RRN3: variants seen among roughly 807,000 people sequenced by gnomAD.
RRN3 encodes RNA polymerase I transcription factor RRN3.
A neutral mutation model predicts 82.3 loss-of-function variants in RRN3; 38 were observed. The ratio of observed to expected loss-of-function variants is 0.46; its 90% confidence interval spans 0.36 to 0.61. The LOEUF (loss-of-function observed/expected upper bound fraction) is 0.61. Ranked by LOEUF, RRN3 falls within the 20% of genes least tolerant of loss-of-function variation. The pLI is 0.00. For synonymous variants in RRN3, 284 were observed against 284.3 expected (o/e 1.00, Z 0.01); for missense variants, 726 against 793.1 (o/e 0.92, Z 1.02).
chr16:15,066,024 A>G (rs186924571), intron 15 of RRN3, among the ~76,000 whole-genome samples: 12 of 152,360 alleles, frequency 7.9e-5, no homozygotes, highest in African/African-American at 2.4e-4. Flanking sequence ...AGCAACTTGA[A>G]AAATTATCTA....
rs1796871457 is a variant in RRN3 at position 15,060,675 on chromosome 16, T to G, written c.*1069A>C. The stretch of plus-strand genomic sequence containing the variant: ...CGAGGTCTTCTGAAGACTTCCTCTG[T>G]TTAGTTATAAAAATACAAAAAGAGG... On this transcript the variant is annotated 3_prime_UTR_variant, in exon 18 of 18. Transcript: ENST00000198767. 1 of 152,394 alleles carries G rather than the reference T, an allele frequency of 6.6e-6. No homozygotes were observed. The highest frequency in any genetic ancestry group is 6.5e-5 in the Admixed American group (1 of 15,290). 9.4% of individuals were successfully genotyped at this position (152,394 alleles called of 1,614,324 possible).
intron 9 of RRN3, among the ~76,000 whole-genome samples, chr16:15,078,137 T>C (rs2045544510): frequency 6.6e-6 from 1 of 152,240 alleles, no homozygotes; most frequent in Non-Finnish European, 1.5e-5. Context: ...TCCTTAAGTA[T>C]ATACCAGAGA....
At chr16:15,093,281 G>A (rs1345902982) in intron 1 of RRN3, among the ~76,000 whole-genome samples, 1 of 152,200 alleles carries the variant, frequency 6.6e-6, no homozygotes, top group Non-Finnish European at 1.5e-5. Flanking sequence ...TGGGATTACA[G>A]GCGTGAGCAA....
chr16:15,078,756 C>T (rs1200234295), intron 9 of RRN3, among the ~76,000 whole-genome samples: 1 of 151,736 alleles, frequency 6.6e-6, no homozygotes, highest in African/African-American at 2.4e-5. Flanking sequence ...CCACCAGCAA[C>T]TGAACCTGGC....
intron 9 of RRN3, among the ~76,000 whole-genome samples, chr16:15,078,443 C>T (rs1429429509): frequency 6.6e-6 from 1 of 151,994 alleles, no homozygotes; most frequent in East Asian, 1.9e-4. Context: ...CATCCTCTCC[C>T]GAAATGCAGT....
intron 8 of RRN3, among the ~76,000 whole-genome samples, chr16:15,081,274 A>C (rs2045692546): frequency 6.6e-6 from 1 of 152,200 alleles, no homozygotes; most frequent in Non-Finnish European, 1.5e-5. Flanking sequence ...TCTACATTTA[A>C]CCTTGAAGAA....
intron 15 of RRN3, among the ~76,000 whole-genome samples, chr16:15,067,157 G>A (rs1396257999): frequency 2.6e-5 from 4 of 151,610 alleles, no homozygotes; most frequent in Non-Finnish European, 5.9e-5. Flanking sequence ...TGAACCAGAC[G>A]CCTAGCAAAG....
intron 8 of RRN3, among the ~76,000 whole-genome samples, 154 bp from the exon 9 acceptor site, chr16:15,080,250 T>C (rs934399874): frequency 2.0e-5 from 3 of 152,234 alleles, no homozygotes; most frequent in African/African-American, 7.2e-5. Flanking sequence ...TGTTTCTACA[T>C]GTATTATGTT....
At chr16:15,077,740 C>T (rs894622556) in intron 9 of RRN3, among the ~76,000 whole-genome samples, 1 of 152,224 alleles carries the variant, frequency 6.6e-6, no homozygotes, top group African/African-American at 2.4e-5. Flanking sequence ...AATCAGGAGG[C>T]TGAGGCAGGA....
At chr16:15,076,287 C>G (rs891862340) in intron 10 of RRN3, 4 of 591,006 alleles carry the variant, frequency 6.8e-6, no homozygotes, top group African/African-American at 3.7e-5. Context: ...CCCTCACAGA[C>G]AGCATCTGGC....
chr16:15,065,436 G>T, intron 15 of RRN3, 65 bp from the exon 16 acceptor site: 6 of 1,432,256 alleles, frequency 4.2e-6, no homozygotes, highest in South Asian at 1.3e-5. Flanking sequence ...GTGCAGATGT[G>T]AGCTGCGTGT....
At position 15,094,235 on chromosome 16, in the gene RRN3, G is replaced by C. The variant is rs1038199599; in HGVS notation, c.-2C>G. On this transcript the variant is annotated 5_prime_UTR_variant, in exon 1 of 18. Coordinates refer to ENST00000198767, the MANE Select transcript of RRN3 (RefSeq NM_018427.5). ...CGTGTGAAGCAGCGGTGCCGCCATT[G>C]GGCCGAACTAACGCGACCGCTGCGC... 37 of 1,582,416 alleles carry C rather than the reference G, an allele frequency of 2.3e-5. No individual in the cohort carries two copies. The highest frequency in any genetic ancestry group is 3.1e-5 in the Non-Finnish European group (36 of 1,164,462).
chr16:15,076,640 G>T lies in RRN3; in HGVS notation c.776C>A (p.Ser259Tyr), dbSNP rs753806504. The T allele has an allele frequency of 1.9e-6, 3 of 1,607,092 alleles. No homozygotes were observed. Among genetic ancestry groups the T allele is most frequent in the African/African-American group, 2.7e-5 (2 of 74,716 alleles). Residue 259 changes from serine (S) to tyrosine (Y), a missense_variant, in exon 10 of 18, where the codon TCC becomes TAC. Transcript: ENST00000198767. ...TTCAGCATCTTCAATACCCTGCCGG[G>T]ATGCATTCACCTATAACAAAGGGAG... is the stretch of plus-strand genomic sequence containing the variant. Reference protein sequence around the residue: ...EKLLKLDVNASRQGIEDAEET... With the variant: ...EKLLKLDVNAYRQGIEDAEET...
chr16:15,079,876 C>A (rs1446999289), intron 9 of RRN3, 122 bp downstream of exon 9: 5 of 1,157,814 alleles, frequency 4.3e-6, no homozygotes, highest in Admixed American at 2.9e-5. Context: ...GGAATACAGG[C>A]GTGAGTCACC....
At chr16:15,064,825 A>T (rs1231715000) in intron 16 of RRN3, among the ~76,000 whole-genome samples, 1 of 152,230 alleles carries the variant, frequency 6.6e-6, no homozygotes, top group Non-Finnish European at 1.5e-5. Flanking sequence ...CTTCTGGTGA[A>T]GAGCCCTAAA....
chr16:15,072,959 A>G lies in RRN3; in HGVS notation c.1119T>C (p.Ser373=). Residue 373 remains serine, a synonymous_variant, in exon 12 of 18, where the codon AGT becomes AGC. Coordinates refer to ENST00000198767, the MANE Select transcript of RRN3 (RefSeq NM_018427.5). ...TCACATTCTTACTCACCAATTTGAA[A>G]CTACAGAGGTAAAACATGAAAAACT... ...HVQFFMFYLC[S]FKLGFAEAFL... is the part of the protein sequence containing the mutation. 1 of 1,613,398 alleles carries G rather than the reference A, an allele frequency of 6.2e-7. No homozygotes were observed. The highest frequency in any genetic ancestry group is 8.5e-7 in the Non-Finnish European group (1 of 1,179,858).
At position 15,065,274 on chromosome 16, in the gene RRN3, T is replaced by C. The variant is rs1379776085; in HGVS notation, c.1651A>G (p.Ile551Val). 3 of 1,613,792 alleles carry C rather than the reference T, an allele frequency of 1.9e-6. No homozygotes were observed. The highest frequency in any genetic ancestry group is 2.5e-6 in the Non-Finnish European group (3 of 1,179,820). Residue 551 changes from isoleucine to valine, a missense_variant, in exon 16 of 18, where the codon ATC (isoleucine) becomes GTC (valine). Around this residue, in one of 4 missense-constraint regions of RRN3, gnomAD observed 166 missense variants for 154.8 expected, o/e 1.07. Transcript: ENST00000198767. ...RSTAGGDSVQ[I>V]CTNPLDTFFP... Reference sequence around the variant, plus strand: ...AAGGTGTCCAGCGGGTTTGTGCAGATCTGCACTGAGTCTCCTCCAGCGGTA... The same window carrying C: ...AAGGTGTCCAGCGGGTTTGTGCAGACCTGCACTGAGTCTCCTCCAGCGGTA...
In RRN3 at chr16:15,060,349, T is replaced by G. The variant is rs1009226081; in HGVS notation, c.*1395A>C. 12 of 201,414 alleles carry G rather than the reference T, an allele frequency of 6.0e-5. No individual in the cohort carries two copies. The highest frequency in any genetic ancestry group is 5.4e-4 in the South Asian group (8 of 14,848). 12.5% of individuals were successfully genotyped at this position (201,414 alleles called of 1,614,324 possible). ...AGAAAACCACCCATATCCAAAACTT[T>G]AAAGCAATAAAAATTTCTATTTTCC... On this transcript the variant is annotated 3_prime_UTR_variant, in exon 18 of 18. Transcript: ENST00000198767.
In RRN3 at chr16:15,078,472, A is replaced by G. The variant is rs534370125; in HGVS notation, c.765+1526T>C. Among the ~76,000 whole-genome samples, 4 of 152,164 alleles carry G rather than the reference A, an allele frequency of 2.6e-5. No individual in the cohort carries two copies. In the East Asian group the frequency reaches 5.8e-4, roughly 22 times the overall value. ...ATGCAGTTTCTGCGTCTTCACTGACATGGTCCTCCAGAAAGCAACAAAGAC... is the reference window on the plus strand; with the variant it reads ...ATGCAGTTTCTGCGTCTTCACTGACGTGGTCCTCCAGAAAGCAACAAAGAC... On this transcript the variant is annotated intron_variant, in intron 9 of 17. Transcript: ENST00000198767.
Sources: gnomAD v4.1 joint callset for allele counts (sites outside exome capture counted in the v4.1 genomes callset) on GRCh38, gnomAD v4.1.1 for gene constraint, gnomAD v4.1.1 regional missense constraint, MANE v1.5 for transcripts, NCBI Gene and HGNC (gene_info 2026-07-23, HGNC 2026-07-21) for gene names.